VGLL3: variants seen among roughly 807,000 people sequenced by gnomAD.
The protein encoded by VGLL3 is transcription cofactor vestigial-like protein 3.
Under a neutral mutation model 29.2 loss-of-function variants are expected in VGLL3, and 18 were observed. That is an observed-to-expected ratio of 0.62 (90% CI 0.43 to 0.91). The LOEUF is 0.91. VGLL3 is among the 40% of genes least tolerant of loss of function. VGLL3 has a pLI of 0.00. For missense variants in VGLL3, 440 were observed against 413.2 expected, an observed-to-expected ratio of 1.06 and a Z score of -0.56; for synonymous variants, 180 against 151.8, an observed-to-expected ratio of 1.19 and a Z score of -1.36.
At position 86,968,433 on chromosome 3, in the gene VGLL3, G is replaced by A. The variant is rs1468243822; in HGVS notation, c.937+157C>T. Reference sequence around the variant, plus strand: ...TCATGAGCTAGTCATACCAGTTTCTGCAGGAATGCAGAAATTATTGCAAAA... The same window carrying A: ...TCATGAGCTAGTCATACCAGTTTCTACAGGAATGCAGAAATTATTGCAAAA... On this transcript the variant is annotated intron_variant, in intron 3 of 3. Transcript: ENST00000398399. 5.9e-5 allele frequency among the ~76,000 whole-genome samples: 9 copies of A among 152,192 alleles called. No individual in the cohort carries two copies. In the South Asian group the frequency reaches 1.2e-3, roughly 21 times the overall value.
intron 1 of VGLL3, among the ~76,000 whole-genome samples, chr3:86,983,300 G>T (rs1298305129): frequency 6.6e-6 from 1 of 152,096 alleles, no homozygotes; most frequent in African/African-American, 2.4e-5. Context: ...GCTATAAGAA[G>T]AAATCACTAT....
At chr3:86,975,697 A>T (rs895795663) in intron 2 of VGLL3, among the ~76,000 whole-genome samples, 16 of 152,214 alleles carry the variant, frequency 1.1e-4, no homozygotes, top group African/African-American at 3.9e-4. Context: ...GAGCATCAGA[A>T]AAAATGAGGC....
intron 3 of VGLL3, chr3:86,963,175 A>G (rs1704891466): frequency 6.4e-6 from 1 of 155,538 alleles, no homozygotes; most frequent in Admixed American, 6.5e-5. Flanking sequence ...GAAACAAATC[A>G]AATGTCCATA....
At chr3:86,980,090 C>G (rs1705292640) in intron 1 of VGLL3, among the ~76,000 whole-genome samples, 1 of 150,142 alleles carries the variant, frequency 6.7e-6, no homozygotes, top group Admixed American at 6.6e-5. Flanking sequence ...CTTTCTCTGT[C>G]ATCTTTATGT....
At chr3:86,990,290 G>T (rs1705551671) in intron 1 of VGLL3, 1 of 984,492 alleles carries the variant, frequency 1.0e-6, no homozygotes, top group Non-Finnish European at 1.2e-6. Context: ...TTGAAAGGAA[G>T]TTTACTCACA....
chr3:86,969,300 A>T (rs1254391252), intron 2 of VGLL3, among the ~76,000 whole-genome samples, 177 bp from the exon 3 acceptor site: 1 of 152,208 alleles, frequency 6.6e-6, no homozygotes, highest in East Asian at 1.9e-4. Flanking sequence ...TGGGCTCGCA[A>T]GCCAATGGGT....
At chr3:86,976,265 T>G (rs753515831) in intron 2 of VGLL3, among the ~76,000 whole-genome samples, 18 of 152,246 alleles carry the variant, frequency 1.2e-4, no homozygotes, top group Non-Finnish European at 2.1e-4. Flanking sequence ...TAGAATTACT[T>G]TCCCCTAGGT....
chr3:86,962,072 C>G (rs1704858251), intron 3 of VGLL3: 4 of 984,988 alleles, frequency 4.1e-6, no homozygotes, highest in Non-Finnish European at 4.8e-6. Context: ...AGTATTTTTC[C>G]TATGGAACCC....
At chr3:86,973,449 G>C (rs1705146340) in intron 2 of VGLL3, among the ~76,000 whole-genome samples, 1 of 152,202 alleles carries the variant, frequency 6.6e-6, no homozygotes, top group Non-Finnish European at 1.5e-5. Context: ...GGCTGGGTCA[G>C]AAGTGAAATG....
rs1368684511 is a variant in VGLL3, at chr3:86,942,374, T to G, written c.*4650A>C. 1 of 152,176 alleles carries G rather than the reference T, an allele frequency of 6.6e-6. No individual in the cohort carries two copies. The highest frequency in any genetic ancestry group is 1.9e-4 in the East Asian group (1 of 5,178). 9.4% of individuals were successfully genotyped at this position (152,176 alleles called of 1,614,324 possible). On this transcript the variant is annotated 3_prime_UTR_variant, in exon 4 of 4. Transcript: ENST00000398399. ...TTCAATAACTGACACAGTGTCAACA[T>G]CTGCTTCCAATAAGATTGTTTCTTT...
intron 3 of VGLL3, among the ~76,000 whole-genome samples, chr3:86,951,421 C>A (rs1363381710): frequency 6.6e-6 from 1 of 152,144 alleles, no homozygotes; most frequent in Non-Finnish European, 1.5e-5. Context: ...GATTTACATT[C>A]ATGAAAGCTC....
At chr3:86,957,209 T>G (rs1352553280) in intron 3 of VGLL3, among the ~76,000 whole-genome samples, 2 of 152,216 alleles carry the variant, frequency 1.3e-5, no homozygotes, top group African/African-American at 4.8e-5. Flanking sequence ...TTTTCCATTG[T>G]CTGCCCAATC....
At position 86,968,844 on chromosome 3, in the gene VGLL3, C is replaced by T. The variant is rs1388532002; in HGVS notation, c.683G>A (p.Arg228Gln). 1.2e-5 allele frequency: 20 copies of T among 1,613,998 alleles called. No individual in the cohort carries two copies. The highest frequency in any genetic ancestry group is 6.6e-5 in the South Asian group (6 of 91,066). The part of the protein sequence containing the change: ...SYSHMHDVYM[R>Q]HHHPHAHMHH... ...CATGTGGGCATGAGGGTGGTGGTGC[C>T]GCATGTACACGTCATGCATATGGCT... Residue 228 changes from arginine to glutamine, a missense_variant, in exon 3 of 4, where the codon CGG becomes CAG. Coordinates refer to ENST00000398399, the MANE Select transcript of VGLL3 (RefSeq NM_016206.4).
At chr3:86,953,007 T>C (rs1038121688) in intron 3 of VGLL3, among the ~76,000 whole-genome samples, 6 of 152,088 alleles carry the variant, frequency 3.9e-5, no homozygotes, top group African/African-American at 1.4e-4. Flanking sequence ...TGTGTAGGGG[T>C]AGGACCTTAA....
intron 3 of VGLL3, chr3:86,963,209 C>T (rs996596751): frequency 1.3e-5 from 2 of 154,724 alleles, no homozygotes; most frequent in East Asian, 1.9e-4. Context: ...GCATCAAATG[C>T]ATAAACAAAA....
At chr3:86,981,991 C>T (rs752733545) in intron 1 of VGLL3, among the ~76,000 whole-genome samples, 27 of 152,026 alleles carry the variant, frequency 1.8e-4, no homozygotes, top group Admixed American at 4.6e-4. Flanking sequence ...ACATTAAGTG[C>T]GATCATGAGG....
At chr3:86,964,186 T>A (rs1704913272) in intron 3 of VGLL3, among the ~76,000 whole-genome samples, 1 of 152,186 alleles carries the variant, frequency 6.6e-6, no homozygotes, top group Non-Finnish European at 1.5e-5. Flanking sequence ...TAAAGTTTTA[T>A]TGGAACACAA....
chr3:86,954,517 G>A (rs1421724518), intron 3 of VGLL3, among the ~76,000 whole-genome samples: 1 of 152,226 alleles, frequency 6.6e-6, no homozygotes, highest in African/African-American at 2.4e-5. Context: ...AGGGTAAATT[G>A]GCAAGTACTT....
intron 1 of VGLL3, among the ~76,000 whole-genome samples, chr3:86,987,294 G>A (rs1705464644): frequency 6.6e-6 from 1 of 152,088 alleles, no homozygotes; most frequent in African/African-American, 2.4e-5. Context: ...GAGAGAGTTT[G>A]AAAAAACACC....
Sources: allele counts gnomAD v4.1 joint callset (sites outside exome capture counted in the v4.1 genomes callset), GRCh38; gene constraint gnomAD v4.1.1; transcripts MANE v1.5; gene names NCBI Gene and HGNC (gene_info 2026-07-23, HGNC 2026-07-21).